Variants in STIMATE observed in about 807,000 individuals in gnomAD.
The protein encoded by STIMATE is STIM activating enhancer.
In STIMATE, 15 loss-of-function variants were observed where a neutral mutation model predicts 36.7. The observed-to-expected ratio is 0.41, with a 90% confidence interval of 0.27 to 0.63. The LOEUF (loss-of-function observed/expected upper bound fraction) is 0.63. Ranked by LOEUF, STIMATE falls within the 20% of genes least tolerant of loss-of-function variation. STIMATE has a pLI of 0.32. For synonymous variants in STIMATE, 163 were observed against 162.3 expected (o/e 1.00, Z -0.03); for missense variants, 305 against 397.3 (o/e 0.77, Z 1.98).
chr3:52,882,507 G>T (rs962811894), intron 1 of STIMATE, among the ~76,000 whole-genome samples: 1 of 152,084 alleles, frequency 6.6e-6, no homozygotes, highest in Admixed American at 6.5e-5. Flanking sequence ...CTTTCAAGGG[G>T]GAACTTGAAG....
At chr3:52,843,289 T>C (rs1700835558) in intron 6 of STIMATE, 1 of 401,746 alleles carries the variant, frequency 2.5e-6, no homozygotes, top group Middle Eastern at 7.1e-4. Context: ...TCCATGTGGG[T>C]GGCCGGCACA....
chr3:52,877,558 TGGAAAGTCTCC>T (rs1457407714), intron 1 of STIMATE, among the ~76,000 whole-genome samples: 1 of 152,234 alleles, frequency 6.6e-6, no homozygotes, highest in Non-Finnish European at 1.5e-5. Flanking sequence ...TCTGACCTGC[TGGAAAGTCTCC>T]GGTGAGCCAT....
chr3:52,896,136 G>T (rs9814714), intron 1 of STIMATE, among the ~76,000 whole-genome samples: 5,761 of 152,214 alleles, frequency 0.038, 384 homozygotes, highest in African/African-American at 0.13. Flanking sequence ...AAGCCTGAGA[G>T]AATTCACTCA....
intron 1 of STIMATE, among the ~76,000 whole-genome samples, chr3:52,874,663 C>T (rs1701468026): frequency 6.6e-6 from 1 of 152,090 alleles, no homozygotes. Context: ...GAGTTTGAGA[C>T]CAGCCTGGCC....
At chr3:52,887,143 A>G (rs749347421) in intron 1 of STIMATE, among the ~76,000 whole-genome samples, 15 of 152,270 alleles carry the variant, frequency 9.9e-5, no homozygotes, top group Admixed American at 4.6e-4. Flanking sequence ...TGGATTGTTA[A>G]TAACATATTA....
At chr3:52,847,361 T>G in intron 4 of STIMATE, 2 of 1,228,896 alleles carry the variant, frequency 1.6e-6, no homozygotes, top group Non-Finnish European at 2.1e-6. Flanking sequence ...AGGGAGAGTT[T>G]GGCCAGGGAT....
intron 4 of STIMATE, 70 bp downstream of exon 4, chr3:52,849,722 C>A: frequency 6.5e-7 from 1 of 1,541,240 alleles, no homozygotes; most frequent in Admixed American, 1.8e-5. Flanking sequence ...GCCTGGTGGG[C>A]CGCATGGGGC....
At chr3:52,862,839 C>A (rs11130329) in intron 1 of STIMATE, among the ~76,000 whole-genome samples, 130,269 of 152,226 alleles carry the variant, frequency 0.86, 55,876 homozygotes, top group East Asian at 0.96. Context: ...CTCTAAATCC[C>A]ATTACAAGTA....
At chr3:52,857,760 T>A (rs1204782496) in intron 1 of STIMATE, among the ~76,000 whole-genome samples, 6 of 150,296 alleles carry the variant, frequency 4.0e-5, no homozygotes, top group African/African-American at 1.5e-4. Flanking sequence ...TATATTATTA[T>A]TATATATAGA....
intron 1 of STIMATE, among the ~76,000 whole-genome samples, chr3:52,890,422 G>A (rs1358098015): frequency 6.6e-6 from 1 of 152,242 alleles, no homozygotes; most frequent in Non-Finnish European, 1.5e-5. Context: ...AAATAGGGGC[G>A]ATTTGGCCCC....
chr3:52,874,077 C>CGTA (rs1337845932), intron 1 of STIMATE, among the ~76,000 whole-genome samples: 1 of 152,162 alleles, frequency 6.6e-6, no homozygotes, highest in Non-Finnish European at 1.5e-5. Context: ...TATAGTTACA[C>CGTA]CTCCACAAAT....
At chr3:52,877,821 T>C (rs1381026806) in intron 1 of STIMATE, among the ~76,000 whole-genome samples, 1 of 151,966 alleles carries the variant, frequency 6.6e-6, no homozygotes, top group African/African-American at 2.4e-5. Context: ...ACTGGCCGGG[T>C]GTGGTGGCTC....
chr3:52,849,956 G>A, intron 3 of STIMATE, 43 bp from the exon 4 acceptor site: 5 of 1,593,586 alleles, frequency 3.1e-6, no homozygotes, highest in Non-Finnish European at 4.3e-6. Flanking sequence ...AGAAGCCACG[G>A]GGCCAGAGGT....
intron 1 of STIMATE, among the ~76,000 whole-genome samples, chr3:52,882,291 G>C (rs1379718880): frequency 6.6e-6 from 1 of 152,248 alleles, no homozygotes; most frequent in African/African-American, 2.4e-5. Context: ...GGAAGCTGCA[G>C]TCTTCATAAT....
rs1431841916 is a variant in STIMATE, at chr3:52,897,456, G to A, written c.-6C>T. The A allele has an allele frequency of 7.6e-7, 1 of 1,317,118 alleles. No individual in the cohort carries two copies. Among genetic ancestry groups the A allele is most frequent in the Non-Finnish European group, 9.6e-7 (1 of 1,037,706 alleles). The allele number at this position is 1,317,118 out of a possible 1,614,324, so 81.6% of individuals were successfully genotyped here. A position where few individuals can be genotyped will look rare whatever the true frequency, so the allele number is the denominator to read the frequency against. On this transcript the variant is annotated 5_prime_UTR_variant, in exon 1 of 8. Coordinates refer to ENST00000355083, the MANE Select transcript of STIMATE (RefSeq NM_198563.5). ...TTCCCGGCGGGGCCCTGCATGACAG[G>A]CCTCGCGGGAGGGGCGCGAGGGCCC...
intron 4 of STIMATE, chr3:52,847,448 G>A: frequency 7.8e-7 from 1 of 1,288,988 alleles, no homozygotes; most frequent in Non-Finnish European, 1.0e-6. Context: ...GGTAATCAGA[G>A]TGCAGACACC....
chr3:52,897,232 G>A, intron 1 of STIMATE, 59 bp downstream of exon 1: 5 of 1,515,178 alleles, frequency 3.3e-6, no homozygotes, highest in Non-Finnish European at 4.4e-6. Context: ...GGCCCCCAGG[G>A]GGGCCGGGCC....
chr3:52,845,088 T>TGAGG, intron 4 of STIMATE, 147 bp from the exon 5 acceptor site: 1 of 630,276 alleles, frequency 1.6e-6, no homozygotes, highest in Non-Finnish European at 2.6e-6. Flanking sequence ...GTCCAAAGGA[T>TGAGG]TACCTCATCC....
At chr3:52,881,166 C>T (rs184789506) in intron 1 of STIMATE, among the ~76,000 whole-genome samples, 186 of 149,420 alleles carry the variant, frequency 1.2e-3, no homozygotes, top group African/African-American at 4.3e-3. Context: ...ATGGTGCCAC[C>T]GTACTCCAGC....
Sources: allele counts gnomAD v4.1 joint callset (sites outside exome capture counted in the v4.1 genomes callset), GRCh38; gene constraint gnomAD v4.1.1; transcripts MANE v1.5; gene names NCBI Gene and HGNC (gene_info 2026-07-23, HGNC 2026-07-21).